ATP9A: variants seen among roughly 807,000 people sequenced by gnomAD.
The protein encoded by ATP9A is probable phospholipid-transporting ATPase IIA.
Under a neutral mutation model 144.1 loss-of-function variants are expected in ATP9A, and 52 were observed. That is an observed-to-expected ratio of 0.36 (90% confidence interval 0.29 to 0.45). ATP9A has a LOEUF of 0.45. ATP9A is among the 20% of genes least tolerant of loss of function. ATP9A has a pLI of 1.00. For synonymous variants in ATP9A, 582 were observed against 557.4 expected (o/e 1.04, Z -0.62); for missense variants, 947 against 1,392.7 (o/e 0.68, Z 5.09).
rs537841031 is a variant in ATP9A at position 51,639,287 on chromosome 20, C to T, written c.1668+56G>A. On this transcript the variant is annotated intron_variant, in intron 15 of 27. Transcript: ENST00000338821. ...GAAAGAATGTCAACCCACAGGGACA[C>T]ACGCAGCACACCTGGGGTACTTAAG... 2.9e-4 allele frequency: 439 copies of T among 1,528,914 alleles called. 1 individual carries two copies. The highest frequency in any genetic ancestry group is 1.8e-3 in the South Asian group (142 of 79,880). The allele number at this position is 1,528,914 out of a possible 1,614,324, so 94.7% of individuals were successfully genotyped here.
At chr20:51,630,227 C>T (rs1215140160) in intron 15 of ATP9A, among the ~76,000 whole-genome samples, 1 of 152,230 alleles carries the variant, frequency 6.6e-6, no homozygotes, top group Admixed American at 6.5e-5. Context: ...ACGGCGCAGC[C>T]ACAGATCCTT....
chr20:51,733,942 G>A (rs1238923708), intron 1 of ATP9A, among the ~76,000 whole-genome samples: 7 of 152,020 alleles, frequency 4.6e-5, no homozygotes, highest in African/African-American at 1.7e-4. Flanking sequence ...CCAAAGTGGT[G>A]GGGTTACAAG....
chr20:51,689,932 G>A (rs2077539553), intron 8 of ATP9A, among the ~76,000 whole-genome samples: 1 of 150,508 alleles, frequency 6.6e-6, no homozygotes, highest in Non-Finnish European at 1.5e-5. Context: ...CCAACATGGT[G>A]AAACCCCGTC....
chr20:51,708,509 C>T (rs1317915438), intron 4 of ATP9A, among the ~76,000 whole-genome samples: 3 of 151,168 alleles, frequency 2.0e-5, no homozygotes, highest in African/African-American at 4.9e-5. Flanking sequence ...CCGAGGCGGG[C>T]GGGTCACTCG....
chr20:51,618,903 G>T, intron 20 of ATP9A, 51 bp downstream of exon 20: 1 of 1,606,820 alleles, frequency 6.2e-7, no homozygotes, highest in Non-Finnish European at 8.5e-7. Flanking sequence ...CCGAAGCCGG[G>T]TAAGACCCAG....
At chr20:51,608,730 T>C in intron 24 of ATP9A, 104 bp from the exon 25 acceptor site, 1 of 748,450 alleles carries the variant, frequency 1.3e-6, no homozygotes, top group Non-Finnish European at 2.4e-6. Flanking sequence ...CTAACAAATA[T>C]TTACTGCTTG....
At chr20:51,644,395 C>A (rs922640964) in intron 14 of ATP9A, among the ~76,000 whole-genome samples, 61 of 150,510 alleles carry the variant, frequency 4.1e-4, no homozygotes, top group Admixed American at 9.3e-4. Flanking sequence ...GCCTCAGCCT[C>A]CCAAGTAGCT....
rs146526523 is a variant in ATP9A at position 51,671,164 on chromosome 20, C to A, written c.1131G>T (p.Thr377=). 1 of 1,614,124 alleles carries A rather than the reference C, an allele frequency of 6.2e-7. No individual in the cohort carries two copies. Among genetic ancestry groups the A allele is most frequent in the Admixed American group, 1.7e-5 (1 of 60,008 alleles). ...KIPGTVVRSS[T]IPEQLGRISY... ...AAATCCTGCCCAGCTGCTCAGGAAT[C>A]GTGCTGGAGCGAACCACGGTCCCGG... is the stretch of plus-strand genomic sequence containing the variant. The change falls in exon 12 of 28, where the codon ACG becomes ACT. Residue 377 remains threonine (T), a synonymous_variant. Transcript: ENST00000338821.
intron 16 of ATP9A, among the ~76,000 whole-genome samples, chr20:51,627,904 G>A (rs901913962): frequency 5.9e-5 from 9 of 152,200 alleles, no homozygotes; most frequent in Non-Finnish European, 1.5e-5. Flanking sequence ...CCCACAGGTC[G>A]TCTTCAACTA....
chr20:51,741,346 C>G (rs1286132288), intron 1 of ATP9A, among the ~76,000 whole-genome samples: 1 of 152,038 alleles, frequency 6.6e-6, no homozygotes, highest in Non-Finnish European at 1.5e-5. Context: ...TTTGGGAGGC[C>G]GAGGCAGGCG....
At chr20:51,737,930 T>TA (rs2077769249) in intron 1 of ATP9A, among the ~76,000 whole-genome samples, 1 of 152,108 alleles carries the variant, frequency 6.6e-6, no homozygotes, top group African/African-American at 2.4e-5. Flanking sequence ...CCTAAGTATC[T>TA]ATAATCCCAG....
intron 13 of ATP9A, among the ~76,000 whole-genome samples, chr20:51,664,359 G>C (rs1226010440): frequency 1.3e-5 from 2 of 152,128 alleles, no homozygotes; most frequent in African/African-American, 4.8e-5. Context: ...GGCTGAGGTG[G>C]GCTAATTGCT....
At chr20:51,709,463 C>A (rs180851049) in intron 4 of ATP9A, among the ~76,000 whole-genome samples, 4 of 152,028 alleles carry the variant, frequency 2.6e-5, no homozygotes, top group African/African-American at 9.7e-5. Context: ...TGCAGTGAGC[C>A]GAGATCGCGC....
At chr20:51,650,647 G>A (rs2077360250) in intron 14 of ATP9A, among the ~76,000 whole-genome samples, 1 of 152,094 alleles carries the variant, frequency 6.6e-6, no homozygotes, top group Non-Finnish European at 1.5e-5. Flanking sequence ...AATAACAGCG[G>A]GTGTCGCAGA....
chr20:51,710,894 T>G (rs1416454092), intron 4 of ATP9A, among the ~76,000 whole-genome samples: 1 of 152,174 alleles, frequency 6.6e-6, no homozygotes, highest in African/African-American at 2.4e-5. Context: ...GAAGCCCGGA[T>G]GGATGAATGA....
At chr20:51,695,958 T>C in intron 6 of ATP9A, 135 bp downstream of exon 6, 1 of 759,684 alleles carries the variant, frequency 1.3e-6, no homozygotes, top group Admixed American at 2.5e-5. Context: ...GCACGGTCTA[T>C]TTAAAAAGAT....
At chr20:51,719,542 G>A (rs569923068) in intron 3 of ATP9A, among the ~76,000 whole-genome samples, 5 of 151,266 alleles carry the variant, frequency 3.3e-5, no homozygotes, top group Admixed American at 6.6e-5. Flanking sequence ...AGACCATCCT[G>A]GCCAACATGG....
intron 15 of ATP9A, among the ~76,000 whole-genome samples, chr20:51,638,164 TG>T (rs1348394065): frequency 7.3e-6 from 1 of 137,398 alleles, no homozygotes; most frequent in Admixed American, 7.4e-5. Context: ...GATGAGTATT[TG>T]GGCTGGTTCC....
At chr20:51,762,065 T>C (rs1431676417) in intron 1 of ATP9A, among the ~76,000 whole-genome samples, 1 of 152,062 alleles carries the variant, frequency 6.6e-6, no homozygotes, top group Non-Finnish European at 1.5e-5. Flanking sequence ...TTAAGGACCC[T>C]GTGATAACAC....
Sources: gnomAD v4.1 joint callset for allele counts (sites outside exome capture counted in the v4.1 genomes callset) on GRCh38, gnomAD v4.1.1 for gene constraint, MANE v1.5 for transcripts, NCBI Gene and HGNC (gene_info 2026-07-23, HGNC 2026-07-21) for gene names.